Variants in ABTB3 observed in about 807,000 individuals in gnomAD.
ABTB3 encodes ankyrin repeat- and BTB/POZ domain-containing protein 3.
At chr12:107,337,547 A>T in the ABTB3 span, among the ~76,000 whole-genome samples, 1 of 152,198 alleles carries the variant, frequency 6.6e-6, no homozygotes, top group Non-Finnish European at 1.5e-5. Flanking sequence ...ACCACCGATG[A>T]TGTCGGTGTT....
At chr12:107,623,252 G>A in the ABTB3 span, among the ~76,000 whole-genome samples, 3 of 150,978 alleles carry the variant, frequency 2.0e-5, no homozygotes, top group Admixed American at 6.6e-5. Context: ...GTAGAGGCAG[G>A]ATTTCACCGT....
the ABTB3 span, among the ~76,000 whole-genome samples, chr12:107,477,543 G>A: frequency 1.2e-4 from 18 of 152,142 alleles, no homozygotes; most frequent in African/African-American, 2.7e-4. Context: ...GAATGCTATC[G>A]GTATGTCATC....
At chr12:107,473,668 T>C in the ABTB3 span, among the ~76,000 whole-genome samples, 3 of 152,176 alleles carry the variant, frequency 2.0e-5, no homozygotes, top group African/African-American at 7.2e-5. Context: ...CAGTATGCAG[T>C]CTTCTGTGTC....
the ABTB3 span, among the ~76,000 whole-genome samples, chr12:107,427,301 A>G: frequency 6.6e-6 from 1 of 151,182 alleles, no homozygotes; most frequent in Non-Finnish European, 1.5e-5. Flanking sequence ...TTTTTTAAAG[A>G]AACAGGATCT....
the ABTB3 span, among the ~76,000 whole-genome samples, chr12:107,637,786 TTG>T: frequency 0.048 from 6,941 of 144,592 alleles, 337 homozygotes; most frequent in African/African-American, 0.11. Flanking sequence ...AGCACTGATT[TTG>T]TGTGTGTGTG....
At chr12:107,439,865 G>A in the ABTB3 span, among the ~76,000 whole-genome samples, 1 of 151,962 alleles carries the variant, frequency 6.6e-6, no homozygotes, top group African/African-American at 2.4e-5. Context: ...TTGTTTTGTT[G>A]CATCCTTAAA....
At chr12:107,370,394 C>G in the ABTB3 span, among the ~76,000 whole-genome samples, 10 of 152,230 alleles carry the variant, frequency 6.6e-5, no homozygotes, top group African/African-American at 2.4e-4. Flanking sequence ...CAAAGTCAGC[C>G]AATCAGCCCC....
chr12:107,380,070 C>T, the ABTB3 span, among the ~76,000 whole-genome samples: 1 of 152,128 alleles, frequency 6.6e-6, no homozygotes, highest in Admixed American at 6.5e-5. Flanking sequence ...TCGTCTGTGA[C>T]CCTTAAAAGA....
chr12:107,641,442 T>C, the ABTB3 span, among the ~76,000 whole-genome samples: 1 of 152,082 alleles, frequency 6.6e-6, no homozygotes, highest in Non-Finnish European at 1.5e-5. Context: ...AAAAAATAAG[T>C]TTAAAAAAAC....
chr12:107,319,505 T>C, the ABTB3 span: 2 of 1,586,714 alleles, frequency 1.3e-6, no homozygotes, highest in South Asian at 1.1e-5. Context: ...ACTGTCCCTC[T>C]ACAACATGAG....
the ABTB3 span, among the ~76,000 whole-genome samples, chr12:107,555,795 A>G: frequency 1.3e-5 from 2 of 152,200 alleles, no homozygotes; most frequent in Non-Finnish European, 2.9e-5. Flanking sequence ...AGAAACTTCT[A>G]TGGGACATCC....
the ABTB3 span, among the ~76,000 whole-genome samples, chr12:107,474,398 C>T: frequency 8.5e-5 from 13 of 152,266 alleles, no homozygotes; most frequent in South Asian, 2.1e-4. Flanking sequence ...ATTTATAACA[C>T]GATATTGACA....
the ABTB3 span, among the ~76,000 whole-genome samples, chr12:107,592,355 G>A: frequency 6.6e-6 from 1 of 152,142 alleles, no homozygotes; most frequent in Non-Finnish European, 1.5e-5. Context: ...ACTTCAAAGT[G>A]AACTTGAAAA....
the ABTB3 span, among the ~76,000 whole-genome samples, chr12:107,460,139 A>G: frequency 6.6e-6 from 1 of 152,224 alleles, no homozygotes; most frequent in Non-Finnish European, 1.5e-5. Flanking sequence ...CAAACTTACC[A>G]GTGTTCTTTT....
chr12:107,543,849 C>A, the ABTB3 span: 4 of 1,278,654 alleles, frequency 3.1e-6, no homozygotes, highest in Admixed American at 2.6e-5. Context: ...ACTGCAAGGA[C>A]CAGGGTCTCC....
chr12:107,418,032 G>A, the ABTB3 span, among the ~76,000 whole-genome samples: 4 of 152,228 alleles, frequency 2.6e-5, no homozygotes, highest in Admixed American at 6.5e-5. Flanking sequence ...AATACTGAGT[G>A]TCAATTTGAT....
the ABTB3 span, among the ~76,000 whole-genome samples, chr12:107,493,082 GA>G: frequency 0.27 from 38,145 of 139,970 alleles, 5,493 homozygotes; most frequent in African/African-American, 0.41. Flanking sequence ...ACAGAGAAAA[GA>G]AAAAAAAAAA....
At chr12:107,594,452 A>T in the ABTB3 span, among the ~76,000 whole-genome samples, 1 of 152,186 alleles carries the variant, frequency 6.6e-6, no homozygotes, top group Admixed American at 6.5e-5. Flanking sequence ...TTAAACAGCA[A>T]GTGGGCATGA....
At chr12:107,401,260 C>T in the ABTB3 span, among the ~76,000 whole-genome samples, 1 of 152,290 alleles carries the variant, frequency 6.6e-6, no homozygotes, top group East Asian at 1.9e-4. Flanking sequence ...CCAAAGGAAG[C>T]CAAGGGGAGG....
Sources: allele counts gnomAD v4.1 joint callset (sites outside exome capture counted in the v4.1 genomes callset), GRCh38; gene constraint gnomAD v4.1.1; transcripts MANE v1.5; gene names NCBI Gene and HGNC (gene_info 2026-07-23, HGNC 2026-07-21).